DLG2: variants seen among roughly 807,000 people sequenced by gnomAD.
DLG2 encodes the protein disks large homolog 2.
Under a neutral mutation model 132.5 loss-of-function variants are expected in DLG2, and 45 were observed. The ratio of observed to expected loss-of-function variants is 0.34; its 90% CI spans 0.27 to 0.44. DLG2 has a LOEUF of 0.44. Ranked by LOEUF, DLG2 falls within the 20% of genes least tolerant of loss-of-function variation. DLG2 has a pLI of 1.00. For synonymous variants in DLG2, 424 were observed against 419.6 expected, an observed-to-expected ratio of 1.01 and a Z score of -0.13; for missense variants, 1,045 against 1,196.9, an observed-to-expected ratio of 0.87 and a Z score of 1.87.
intron 6 of DLG2, among the ~76,000 whole-genome samples, chr11:84,716,384 G>A (rs1210181550): frequency 6.6e-6 from 1 of 151,914 alleles, no homozygotes; most frequent in Non-Finnish European, 1.5e-5. Flanking sequence ...TTTTATGTTT[G>A]TATGTATTTT....
chr11:83,899,420 T>C (rs12277615), intron 15 of DLG2, among the ~76,000 whole-genome samples: 14,692 of 152,264 alleles, frequency 0.096, 843 homozygotes, highest in Middle Eastern at 0.2. Flanking sequence ...CATTTTCACA[T>C]TGGTCTCTGA....
chr11:83,468,657 C>T (rs1455411049), intron 25 of DLG2, among the ~76,000 whole-genome samples: 1 of 152,154 alleles, frequency 6.6e-6, no homozygotes, highest in Non-Finnish European at 1.5e-5. Context: ...TGTAGCCACA[C>T]CCAGGTGCCT....
intron 7 of DLG2, among the ~76,000 whole-genome samples, chr11:84,322,518 C>T (rs1005087981): frequency 1.1e-4 from 16 of 151,958 alleles, no homozygotes; most frequent in Non-Finnish European, 1.6e-4. Flanking sequence ...AGTGGTAAAA[C>T]ATGAAGAGAA....
intron 6 of DLG2, among the ~76,000 whole-genome samples, chr11:84,623,599 G>A (rs1288619403): frequency 6.6e-6 from 1 of 152,148 alleles, no homozygotes; most frequent in Non-Finnish European, 1.5e-5. Flanking sequence ...AGATCTCATG[G>A]TCTAAACTCT....
At chr11:84,339,477 A>AT (rs941489207) in intron 7 of DLG2, among the ~76,000 whole-genome samples, 1 of 152,004 alleles carries the variant, frequency 6.6e-6, no homozygotes, top group Admixed American at 6.6e-5. Context: ...TTGTTCATCT[A>AT]TTTTTTCTCT....
chr11:84,903,716 A>G (rs2091186518), intron 6 of DLG2, among the ~76,000 whole-genome samples: 1 of 152,172 alleles, frequency 6.6e-6, no homozygotes, highest in East Asian at 1.9e-4. Flanking sequence ...TTCTTTCTCT[A>G]CTTCAAAAAG....
At chr11:84,302,349 A>G (rs1333760743) in intron 7 of DLG2, among the ~76,000 whole-genome samples, 1 of 152,208 alleles carries the variant, frequency 6.6e-6, no homozygotes, top group Non-Finnish European at 1.5e-5. Context: ...ATTTTAAAAA[A>G]TGATGTCAAC....
At chr11:83,651,453 T>A (rs960690560) in intron 18 of DLG2, 2 of 162,344 alleles carry the variant, frequency 1.2e-5, no homozygotes, top group African/African-American at 4.8e-5. Flanking sequence ...AAATGCCCAT[T>A]CTCTTCACAA....
chr11:83,637,671 T>C (rs1003194595), intron 18 of DLG2, among the ~76,000 whole-genome samples: 1 of 152,200 alleles, frequency 6.6e-6, no homozygotes, highest in Non-Finnish European at 1.5e-5. Flanking sequence ...TTGTTTAGAA[T>C]GCAAGGCTTC....
chr11:83,735,796 G>A (rs867244029), intron 18 of DLG2, among the ~76,000 whole-genome samples: 13 of 152,290 alleles, frequency 8.5e-5, no homozygotes, highest in African/African-American at 2.6e-4. Context: ...CTTTCTAAGT[G>A]AACTACAGTC....
chr11:85,547,627 A>C lies in DLG2; in HGVS notation c.40+51030T>G, dbSNP rs190530403. Among the ~76,000 whole-genome samples the C allele has an allele frequency of 1.1e-3, 167 of 152,156 alleles. 1 individual carries two copies. The highest frequency in any genetic ancestry group is 2.7e-3 in the Admixed American group (41 of 15,288). On this transcript the variant is annotated intron_variant, in intron 3 of 27. Coordinates refer to ENST00000376104, the MANE Select transcript of DLG2 (RefSeq NM_001142699.3). Reference sequence around the variant, plus strand: ...TTGTCACTTTCCGGTACACCAAACAAATGTAGATTTGGTCTTTTCACATAG... The same window carrying C: ...TTGTCACTTTCCGGTACACCAAACACATGTAGATTTGGTCTTTTCACATAG...
At chr11:83,616,838 G>T (rs1176669618) in intron 19 of DLG2, among the ~76,000 whole-genome samples, 1 of 152,022 alleles carries the variant, frequency 6.6e-6, no homozygotes, top group Non-Finnish European at 1.5e-5. Flanking sequence ...GTGAGGTTGG[G>T]TCAAGAGCCA....
intron 4 of DLG2, among the ~76,000 whole-genome samples, chr11:85,189,550 A>C (rs748231460): frequency 5.4e-4 from 82 of 152,232 alleles, no homozygotes; most frequent in Admixed American, 1.7e-3. Context: ...ACAAAACTAT[A>C]GCAATGAGGA....
At position 83,833,750 on chromosome 11, in the gene DLG2, A is replaced by T; in HGVS notation, c.1586T>A (p.Leu529Gln). 1 of 1,614,008 alleles carries T rather than the reference A, an allele frequency of 6.2e-7. No individual in the cohort carries two copies. Among genetic ancestry groups the T allele is most frequent in the Non-Finnish European group, 8.5e-7 (1 of 1,179,926 alleles). ...SLEGEPRKVV[L>Q]HKGSTGLGFN... ...GCCCAGGCCAGTGGAGCCTTTGTGC[A>T]GGACTACCTTGCGAGGCTCTCTGCA... The change falls in exon 17 of 28, where the codon CTG becomes CAG. Residue 529 changes from leucine (L) to glutamine (Q), a missense_variant. Physicochemically the swap from Leu to Gln is moderately radical, Grantham distance 113. Around this residue, in one of 4 missense-constraint regions of DLG2, gnomAD observed 261 missense variants for 256.1 expected, o/e 1.02. Coordinates refer to ENST00000376104, the MANE Select transcript of DLG2 (RefSeq NM_001142699.3).
chr11:83,657,166 A>G (rs2072749153), intron 18 of DLG2, among the ~76,000 whole-genome samples: 1 of 152,238 alleles, frequency 6.6e-6, no homozygotes, highest in Non-Finnish European at 1.5e-5. Context: ...CTACAACTCC[A>G]ATGAAAACGT....
intron 7 of DLG2, among the ~76,000 whole-genome samples, chr11:84,505,893 G>A (rs1348168575): frequency 6.6e-6 from 1 of 151,924 alleles, no homozygotes; most frequent in African/African-American, 2.4e-5. Flanking sequence ...CTGGGTTGTA[G>A]TAGGCCGAAG....
chr11:84,738,282 C>T (rs1282757031), intron 6 of DLG2, among the ~76,000 whole-genome samples: 1 of 151,560 alleles, frequency 6.6e-6, no homozygotes, highest in African/African-American at 2.4e-5. Context: ...TTAGTAGCTA[C>T]TCTGTTGATT....
intron 3 of DLG2, among the ~76,000 whole-genome samples, chr11:85,307,784 T>C (rs1339255675): frequency 6.6e-6 from 1 of 152,224 alleles, no homozygotes; most frequent in Non-Finnish European, 1.5e-5. Context: ...CAGTTTCATT[T>C]GTGTTTAATT....
chr11:85,548,394 G>A (rs1161699875), intron 3 of DLG2, among the ~76,000 whole-genome samples: 1 of 152,230 alleles, frequency 6.6e-6, no homozygotes, highest in Non-Finnish European at 1.5e-5. Flanking sequence ...CCAGATGCCA[G>A]CCTGAGCTCT....
Sources: gnomAD v4.1 joint callset for allele counts (sites outside exome capture counted in the v4.1 genomes callset) on GRCh38, gnomAD v4.1.1 for gene constraint, gnomAD v4.1.1 regional missense constraint, MANE v1.5 for transcripts, NCBI Gene and HGNC (gene_info 2026-07-23, HGNC 2026-07-21) for gene names.